Variants in CADM2 observed in about 807,000 individuals in gnomAD.
CADM2 encodes the protein cell adhesion molecule 2, also known as immunoglobulin superfamily member 4D.
A neutral mutation model predicts 49.8 loss-of-function variants in CADM2; 12 were observed. The ratio of observed to expected loss-of-function variants is 0.24; its 90% CI spans 0.15 to 0.39. The LOEUF is 0.39. CADM2 is among the 10% of genes least tolerant of loss of function. CADM2 has a pLI of 1.00. For missense variants in CADM2, 378 were observed against 492.3 expected (o/e 0.77, Z 2.20); for synonymous variants, 214 against 175.4 (o/e 1.22, Z -1.74).
intron 1 of CADM2, among the ~76,000 whole-genome samples, chr3:85,168,694 C>T (rs2040538114): frequency 6.6e-6 from 1 of 152,144 alleles, no homozygotes; most frequent in Non-Finnish European, 1.5e-5. Flanking sequence ...ATACTTCCTT[C>T]ACTATCTAAT....
chr3:86,013,273 G>T (rs1462344328), intron 8 of CADM2: 1 of 1,520,492 alleles, frequency 6.6e-7, no homozygotes, highest in Non-Finnish European at 9.1e-7. Context: ...GAAGAAGAGG[G>T]TGAAGGGCAA....
chr3:85,326,868 A>T (rs1428104640), intron 1 of CADM2, among the ~76,000 whole-genome samples: 1 of 152,248 alleles, frequency 6.6e-6, no homozygotes, highest in Middle Eastern at 3.4e-3. Context: ...AGCTTTTAGT[A>T]GTTTAAATAC....
At position 86,068,790 on chromosome 3, in the gene CADM2, A is replaced by C. The variant is rs1484314161; in HGVS notation, c.*2007A>C. The stretch of plus-strand genomic sequence containing the variant: ...CATAATAAATCATATACAGTATGAC[A>C]TTTTAAGGAAATAAGTCTGCATTGA... On this transcript the variant is annotated 3_prime_UTR_variant, in exon 10 of 10. Coordinates refer to ENST00000383699, the MANE Select transcript of CADM2 (RefSeq NM_001167675.2). 6.6e-6 allele frequency: 1 copy of C among 152,374 alleles called. No homozygotes were observed. The highest frequency in any genetic ancestry group is 1.5e-5 in the Non-Finnish European group (1 of 67,848). The allele number at this position is 152,374 out of a possible 1,614,324, so 9.4% of individuals were successfully genotyped here.
chr3:85,656,168 G>GT (rs1476756899), intron 1 of CADM2, among the ~76,000 whole-genome samples: 2 of 151,598 alleles, frequency 1.3e-5, no homozygotes, highest in African/African-American at 4.8e-5. Flanking sequence ...TTATATTCTT[G>GT]TTTTTTAGTT....
chr3:86,055,424 A>T (rs985481781), intron 8 of CADM2, among the ~76,000 whole-genome samples: 2 of 149,798 alleles, frequency 1.3e-5, no homozygotes, highest in Non-Finnish European at 3.0e-5. Flanking sequence ...TGAAAAGGGC[A>T]AAGCAATGCA....
intron 1 of CADM2, among the ~76,000 whole-genome samples, chr3:85,050,127 G>T (rs1042536489): frequency 6.6e-6 from 1 of 151,952 alleles, no homozygotes; most frequent in Non-Finnish European, 1.5e-5. Context: ...TCTGTTGGGG[G>T]CTATGTATTA....
In CADM2 at chr3:85,855,578, TA is replaced by T. The variant is rs1237229007; in HGVS notation, c.239-27707del. ...TTATATATTTATATTTATATATATA[TA>T]AAAAACATATATATATATAAAACAT... On this transcript the variant is annotated intron_variant, in intron 3 of 9. Coordinates refer to ENST00000383699, the MANE Select transcript of CADM2 (RefSeq NM_001167675.2). 3.1e-3 allele frequency among the ~76,000 whole-genome samples: 418 copies of T among 136,140 alleles called. 6 individuals carry two copies. The highest frequency in any genetic ancestry group is 0.011 in the African/African-American group (387 of 36,124). 89.3% of individuals were successfully genotyped at this position (136,140 alleles called of 152,430 possible).
intron 1 of CADM2, among the ~76,000 whole-genome samples, chr3:85,330,227 T>A (rs552429797): frequency 3.8e-4 from 58 of 152,266 alleles, no homozygotes; most frequent in African/African-American, 1.3e-3. Flanking sequence ...CTTGGAAACA[T>A]CACCTAACCT....
At chr3:85,693,693 A>G (rs2066460468) in intron 1 of CADM2, among the ~76,000 whole-genome samples, 1 of 144,246 alleles carries the variant, frequency 6.9e-6, no homozygotes, top group Non-Finnish European at 1.5e-5. Context: ...CGAGACCATC[A>G]TGGCCAACAT....
chr3:85,487,657 G>A (rs1403986453), intron 1 of CADM2, among the ~76,000 whole-genome samples: 1 of 151,726 alleles, frequency 6.6e-6, no homozygotes, highest in Admixed American at 6.6e-5. Flanking sequence ...AGGAGGAGGA[G>A]GAGAAGGAGA....
chr3:85,931,319 G>C (rs976674989), intron 6 of CADM2, among the ~76,000 whole-genome samples: 3 of 151,964 alleles, frequency 2.0e-5, no homozygotes, highest in Non-Finnish European at 4.4e-5. Flanking sequence ...CACACCTGTG[G>C]TCCCAGCTAC....
chr3:85,379,376 T>G (rs981727304), intron 1 of CADM2, among the ~76,000 whole-genome samples: 1 of 152,116 alleles, frequency 6.6e-6, no homozygotes, highest in South Asian at 2.1e-4. Flanking sequence ...AATAAATGTT[T>G]TATAGTTTTC....
chr3:85,427,198 A>ATG (rs1559834487), intron 1 of CADM2, among the ~76,000 whole-genome samples: 3 of 122,344 alleles, frequency 2.5e-5, no homozygotes, highest in African/African-American at 5.5e-5. Context: ...ATATATATAT[A>ATG]TATGTATAAT....
chr3:85,227,509 T>A (rs2042189562), intron 1 of CADM2, among the ~76,000 whole-genome samples: 1 of 151,640 alleles, frequency 6.6e-6, no homozygotes, highest in South Asian at 2.1e-4. Flanking sequence ...TCCATCCCTT[T>A]ATTTTGAGCC....
At chr3:85,510,895 G>A (rs1559877880) in intron 1 of CADM2, among the ~76,000 whole-genome samples, 1 of 99,002 alleles carries the variant, frequency 1.0e-5, no homozygotes, top group African/African-American at 2.6e-5. Context: ...TTAAAAATAA[G>A]TAATGTAATG....
In CADM2 at chr3:85,431,573, C is replaced by T. The variant is rs556798126; in HGVS notation, c.62-294949C>T. The stretch of plus-strand genomic sequence containing the variant: ...TCAGAAGTGTTAAAACACAGTGAAG[C>T]AGCAAATTTGTGATAGAGTGGTTGA... On this transcript the variant is annotated intron_variant, in intron 1 of 9. Coordinates refer to ENST00000383699, the MANE Select transcript of CADM2 (RefSeq NM_001167675.2). 7.9e-5 allele frequency among the ~76,000 whole-genome samples: 12 copies of T among 151,488 alleles called. No individual in the cohort carries two copies. The South Asian group carries it at 1.7e-3, about 21-fold the overall frequency.
intron 1 of CADM2, among the ~76,000 whole-genome samples, chr3:85,378,832 A>T (rs2033737157): frequency 6.6e-6 from 1 of 152,016 alleles, no homozygotes; most frequent in Admixed American, 6.6e-5. Flanking sequence ...TAAAAAACTT[A>T]TCTATGAAAT....
chr3:85,193,776 G>A (rs997449698), intron 1 of CADM2, among the ~76,000 whole-genome samples: 4 of 152,032 alleles, frequency 2.6e-5, no homozygotes, highest in Admixed American at 6.6e-5. Flanking sequence ...TGTCCACAAT[G>A]TAATTCCTAA....
At chr3:85,554,470 G>A (rs934679008) in intron 1 of CADM2, among the ~76,000 whole-genome samples, 5 of 152,112 alleles carry the variant, frequency 3.3e-5, no homozygotes, top group Admixed American at 6.5e-5. Flanking sequence ...CTGCTGAGTA[G>A]ATGAAAGAGA....
Sources: allele counts gnomAD v4.1 joint callset (sites outside exome capture counted in the v4.1 genomes callset), GRCh38; gene constraint gnomAD v4.1.1; transcripts MANE v1.5; gene names NCBI Gene and HGNC (gene_info 2026-07-23, HGNC 2026-07-21).